MRS2: variants seen among roughly 807,000 people sequenced by gnomAD.
The protein encoded by MRS2 is magnesium transporter MRS2.
Under a neutral mutation model 52.6 loss-of-function variants are expected in MRS2, and 40 were observed. That is an observed-to-expected ratio of 0.76 (90% confidence interval 0.59 to 0.99). The LOEUF is 0.99. MRS2 is among the 50% of genes least tolerant of loss of function. The pLI, the probability that MRS2 is intolerant of heterozygous loss-of-function variation, is 0.00. For missense variants in MRS2, 472 were observed against 532.7 expected (o/e 0.89, Z 1.12); for synonymous variants, 193 against 195.9 (o/e 0.98, Z 0.13).
chr6:24,411,139 G>A (rs1252326693), intron 4 of MRS2, among the ~76,000 whole-genome samples: 1 of 150,660 alleles, frequency 6.6e-6, no homozygotes, highest in Non-Finnish European at 1.5e-5. Context: ...GCAGTGAGCC[G>A]AGATTGCCCC....
intron 9 of MRS2, chr6:24,418,937 A>G (rs926826786): frequency 5.8e-6 from 1 of 171,994 alleles, no homozygotes; most frequent in African/African-American, 2.4e-5. Flanking sequence ...GATATTTTTA[A>G]TGGATTTAAA....
At chr6:24,417,940 CAA>C (rs61690921) in intron 7 of MRS2, 142 bp from the exon 8 acceptor site, 1,094 of 513,944 alleles carry the variant, frequency 2.1e-3, no homozygotes, top group South Asian at 6.2e-3. Flanking sequence ...AACTCCATCT[CAA>C]AAAAAAAAAA....
intron 7 of MRS2, among the ~76,000 whole-genome samples, chr6:24,417,251 C>T (rs544919765): frequency 1.3e-5 from 2 of 152,228 alleles, no homozygotes; most frequent in Non-Finnish European, 2.9e-5. Context: ...CTCTAATATG[C>T]TTTATGATAC....
At position 24,405,232 on chromosome 6, in the gene MRS2, A is replaced by G; in HGVS notation, c.255A>G (p.Val85=). 2 of 1,612,922 alleles carry G rather than the reference A, an allele frequency of 1.2e-6. No homozygotes were observed. The highest frequency in any genetic ancestry group is 1.7e-6 in the Non-Finnish European group (2 of 1,178,908). Residue 85 remains valine, a synonymous_variant, in exon 2 of 11, where the codon GTA becomes GTG. Transcript: ENST00000378386. ...CCACTTTAGCCAGTGTAGCCCCAGT[A>G]TTTACTGTGGTGAGTATGTACAGTA... ...SQATLASVAP[V]FTVTKFDKQG...
intron 2 of MRS2, among the ~76,000 whole-genome samples, chr6:24,407,694 C>T (rs1421078843): frequency 6.6e-6 from 1 of 152,122 alleles, no homozygotes; most frequent in Admixed American, 6.5e-5. Context: ...GAGACTTTGG[C>T]CTCATGTAGA....
At chr6:24,409,355 T>C (rs1561807392) in intron 3 of MRS2, 106 bp from the exon 4 acceptor site, 6 of 582,204 alleles carry the variant, frequency 1.0e-5, no homozygotes, top group Non-Finnish European at 1.8e-5. Context: ...TTGTTTCTGG[T>C]AGTAACCAAA....
At chr6:24,409,239 GTGAGAA>G (rs1415180623) in intron 3 of MRS2, among the ~76,000 whole-genome samples, 1 of 152,210 alleles carries the variant, frequency 6.6e-6, no homozygotes, top group African/African-American at 2.4e-5. Flanking sequence ...CTTCTAAGTA[GTGAGAA>G]AGTTATGAGG....
intron 6 of MRS2, among the ~76,000 whole-genome samples, 157 bp downstream of exon 6, chr6:24,415,320 A>G (rs1337112213): frequency 9.9e-5 from 15 of 152,218 alleles, no homozygotes; most frequent in Admixed American, 9.8e-4. Context: ...TTGAAAAGAT[A>G]CTTTGCATGA....
Position 24,422,983 on chromosome 6 carries a change from G to A in MRS2, c.1154G>A (p.Ser385Asn), listed in dbSNP as rs1762099363. The change falls in exon 10 of 11, where the codon AGT becomes AAT. Residue 385 changes from serine (S) to asparagine (N), a missense_variant. Ser to Asn is a conservative substitution (Grantham distance 46). Transcript: ENST00000378386. The part of the protein sequence containing the change: ...WLITGIMFMG[S>N]GLIWRRLLSF... ...ATTACAGGAATTATGTTCATGGGAA[G>A]TGGCCTCATCTGGAGGCGCCTGCTT... The A allele has an allele frequency of 1.9e-6, 3 of 1,614,120 alleles. No individual in the cohort carries two copies. Among genetic ancestry groups the A allele is most frequent in the Non-Finnish European group, 2.5e-6 (3 of 1,180,002 alleles).
Position 24,412,334 on chromosome 6 carries a change from A to T in MRS2, c.527A>T (p.Gln176Leu). The T allele has an allele frequency of 6.3e-7, 1 of 1,599,418 alleles. No homozygotes were observed. Among genetic ancestry groups the T allele is most frequent in the Non-Finnish European group, 8.5e-7 (1 of 1,173,218 alleles). The change falls in exon 5 of 11, where the codon CAA becomes CTA. Residue 176 changes from glutamine to leucine, a missense_variant. By Grantham distance (113) the Gln-to-Leu change is moderately radical. Coordinates refer to ENST00000378386, the MANE Select transcript of MRS2 (RefSeq NM_020662.4). ...CCTTCACAGTTGTCTGGAGAGGGTC[A>T]ACTCGTTACATACCCTTTACCTTTT... The part of the protein sequence containing the change: ...ELPSQLSGEG[Q>L]LVTYPLPFEF...
intron 1 of MRS2, among the ~76,000 whole-genome samples, chr6:24,404,651 A>G (rs1368527518): frequency 1.3e-5 from 2 of 152,224 alleles, no homozygotes; most frequent in Non-Finnish European, 2.9e-5. Flanking sequence ...GGGGTATTTC[A>G]TAAGTATTCA....
intron 10 of MRS2, 76 bp downstream of exon 10, chr6:24,423,126 T>G: frequency 8.3e-7 from 1 of 1,199,922 alleles, no homozygotes; most frequent in Non-Finnish European, 1.2e-6. Flanking sequence ...CGCCTGGGAT[T>G]AAGTTGTCAC....
chr6:24,403,039 C>G lies in MRS2; in HGVS notation c.-8C>G. On this transcript the variant is annotated 5_prime_UTR_variant, in exon 1 of 11. Transcript: ENST00000378386. ...GTCTGGCTGCTGCCTGCTTCTTGCT[C>G]CAGCACCATGGAATGCCTGCGCAGT... is the stretch of plus-strand genomic sequence containing the variant. The G allele has an allele frequency of 5.0e-6, 8 of 1,596,360 alleles. No individual in the cohort carries two copies. The highest frequency in any genetic ancestry group is 6.8e-6 in the Non-Finnish European group (8 of 1,173,010).
At chr6:24,411,881 T>G (rs554591878) in intron 4 of MRS2, among the ~76,000 whole-genome samples, 38 of 151,220 alleles carry the variant, frequency 2.5e-4, no homozygotes, top group African/African-American at 8.7e-4. Flanking sequence ...TTTTGTTTTT[T>G]TTTCATGATT....
At chr6:24,420,992 G>T (rs573394615) in intron 9 of MRS2, among the ~76,000 whole-genome samples, 54 of 152,242 alleles carry the variant, frequency 3.5e-4, no homozygotes, top group African/African-American at 1.3e-3. Flanking sequence ...AAGTTCAGAA[G>T]CAAGCAGAAT....
intron 6 of MRS2, 129 bp downstream of exon 6, chr6:24,415,292 C>A: frequency 1.2e-6 from 1 of 837,806 alleles, no homozygotes; most frequent in Non-Finnish European, 1.8e-6. Context: ...CTAAAAGGGG[C>A]ACACAATCTA....
chr6:24,410,147 T>A (rs1360872819), intron 4 of MRS2, among the ~76,000 whole-genome samples: 1 of 152,128 alleles, frequency 6.6e-6, no homozygotes, highest in African/African-American at 2.4e-5. Flanking sequence ...ACCCAGCTAA[T>A]TTTGTATTTT....
rs1483853199 is a variant in MRS2 at position 24,424,171 on chromosome 6, AGCTT to A, written c.*478_*481del. 1 of 151,380 alleles carries A rather than the reference AGCTT, an allele frequency of 6.6e-6. No individual in the cohort carries two copies. The highest frequency in any genetic ancestry group is 1.5e-5 in the Non-Finnish European group (1 of 68,018). The allele number at this position is 151,380 out of a possible 1,614,324, so 9.4% of individuals were successfully genotyped here. ...CCTTACAACAGACTCTGTAAGTTTG[AGCTT>A]TAAAAACCAAACTTTGACATAACCT... On this transcript the variant is annotated 3_prime_UTR_variant, in exon 11 of 11. Transcript: ENST00000378386.
In MRS2 at chr6:24,402,947, A is replaced by T. The variant is rs1761324985; in HGVS notation, c.-100A>T. On this transcript the variant is annotated 5_prime_UTR_variant, in exon 1 of 11. Transcript: ENST00000378386. ...CGCATGCCTGGTGCACAGAGTCTGC[A>T]GGTCGGGCGGTAGCGACAGGTCAGA... 1.6e-5 allele frequency: 18 copies of T among 1,131,390 alleles called. No homozygotes were observed. Among genetic ancestry groups the T allele is most frequent in the Non-Finnish European group, 2.2e-5 (18 of 808,916 alleles). 70.1% of individuals were successfully genotyped at this position (1,131,390 alleles called of 1,614,324 possible).
Sources: gnomAD v4.1 joint callset for allele counts (sites outside exome capture counted in the v4.1 genomes callset) on GRCh38, gnomAD v4.1.1 for gene constraint, MANE v1.5 for transcripts, NCBI Gene and HGNC (gene_info 2026-07-23, HGNC 2026-07-21) for gene names.